The following CLIC5 variants were observed in gnomAD, a reference collection of about 807,000 sequenced individuals.
CLIC5 encodes CLIC family member 5.
CLIC5 carries 20 observed loss-of-function variants against 24.7 expected under a neutral mutation model. The ratio of observed to expected loss-of-function variants is 0.81; its 90% CI spans 0.57 to 1.18. The LOEUF (loss-of-function observed/expected upper bound fraction) is 1.18. Ranked by LOEUF, CLIC5 falls within the 50% of genes most tolerant of loss-of-function variation. The probability of loss-of-function intolerance (pLI) is 0.00; values close to 1 mark genes in which losing one functional copy is unlikely to be tolerated. For missense variants in CLIC5, 341 were observed against 326.1 expected, an observed-to-expected ratio of 1.05 and a Z score of -0.35; for synonymous variants, 159 against 135.6, an observed-to-expected ratio of 1.17 and a Z score of -1.20.
At chr6:45,976,847 G>A (rs554491687) in intron 1 of CLIC5, among the ~76,000 whole-genome samples, 12 of 152,244 alleles carry the variant, frequency 7.9e-5, no homozygotes, top group Non-Finnish European at 1.0e-4. Context: ...GCAGCTTGTC[G>A]GAAAATAACA....
chr6:45,946,290 G>A (rs1483213663), intron 3 of CLIC5, among the ~76,000 whole-genome samples: 1 of 152,162 alleles, frequency 6.6e-6, no homozygotes, highest in Non-Finnish European at 1.5e-5. Flanking sequence ...CTTCCTTGTC[G>A]AGTGTTCACT....
chr6:46,111,440 A>G, the CLIC5 span, among the ~76,000 whole-genome samples: 1 of 152,302 alleles, frequency 6.6e-6, no homozygotes, highest in East Asian at 1.9e-4. Context: ...CCTTAGAAAT[A>G]CCTCTTACTA....
chr6:46,083,309 T>C (rs1302724814), upstream of CLIC5, among the ~76,000 whole-genome samples: 1 of 152,240 alleles, frequency 6.6e-6, no homozygotes, highest in South Asian at 2.1e-4. Context: ...TTTCTTGCCT[T>C]CTGCTAACTT....
chr6:46,005,585 T>C (rs1766521796), intron 1 of CLIC5, among the ~76,000 whole-genome samples: 1 of 152,158 alleles, frequency 6.6e-6, no homozygotes, highest in Admixed American at 6.5e-5. Flanking sequence ...CAGCTTGCCA[T>C]CAGAGATGCT....
intron 1 of CLIC5, among the ~76,000 whole-genome samples, chr6:46,066,007 AT>A (rs1392910701): frequency 6.6e-6 from 1 of 152,232 alleles, no homozygotes; most frequent in Admixed American, 6.5e-5. Context: ...AAAGGAGAGA[AT>A]TCCAAATATA....
At chr6:45,927,847 C>G (rs927675405) in intron 4 of CLIC5, among the ~76,000 whole-genome samples, 3 of 152,096 alleles carry the variant, frequency 2.0e-5, no homozygotes, top group African/African-American at 4.8e-5. Context: ...GCTTGTTTTT[C>G]TCTTGTTAAT....
chr6:45,887,128 G>A (rs993879419), intron 6 of CLIC5, among the ~76,000 whole-genome samples: 2 of 152,338 alleles, frequency 1.3e-5, no homozygotes, highest in Non-Finnish European at 2.9e-5. Context: ...AGGGGCACAT[G>A]CTAGACATTT....
intron 1 of CLIC5, among the ~76,000 whole-genome samples, chr6:45,972,649 G>T (rs1280711766): frequency 1.3e-5 from 2 of 152,160 alleles, no homozygotes; most frequent in African/African-American, 4.8e-5. Flanking sequence ...TCTCAGGCCA[G>T]CCCCATACTT....
At chr6:45,957,333 A>T (rs548912147) in intron 1 of CLIC5, among the ~76,000 whole-genome samples, 1 of 152,206 alleles carries the variant, frequency 6.6e-6, no homozygotes, top group Non-Finnish European at 1.5e-5. Flanking sequence ...TCTCCTGAGA[A>T]GCCTGTGAAG....
Position 45,949,290 on chromosome 6 carries a change from C to T in CLIC5, c.265G>A (p.Glu89Lys), listed in dbSNP as rs1561956914. 6.2e-7 allele frequency: 1 copy of T among 1,613,864 alleles called. No homozygotes were observed. Among genetic ancestry groups the T allele is most frequent in the Non-Finnish European group, 8.5e-7 (1 of 1,179,850 alleles). The part of the protein sequence containing the change: ...GDVKTDVNKI[E>K]EFLEETLTPE... ...GTCAAGGTCTCCTCCAGGAACTCCT[C>T]GATCTTATTGACGTCTGTCTTCACG... Residue 89 changes from glutamate to lysine, a missense_variant, in exon 3 of 6, where the codon GAG becomes AAG. Transcript: ENST00000339561.
the CLIC5 span, among the ~76,000 whole-genome samples, chr6:46,098,829 T>C: frequency 1.3e-5 from 2 of 152,146 alleles, no homozygotes; most frequent in Non-Finnish European, 2.9e-5. Flanking sequence ...AGGTTGTGCC[T>C]GGCCCAGAGG....
the CLIC5 span, chr6:46,129,795 T>A: frequency 6.6e-6 from 1 of 152,204 alleles, no homozygotes; most frequent in Non-Finnish European, 1.5e-5. Context: ...GAAAAGTGCG[T>A]GGTGGGAGAG....
intron 1 of CLIC5, among the ~76,000 whole-genome samples, chr6:45,967,789 A>AAGAG (rs139746823): frequency 1.3e-5 from 2 of 149,790 alleles, no homozygotes; most frequent in Non-Finnish European, 3.0e-5. Flanking sequence ...AAGCAGGGGC[A>AAGAG]AGAGAGAGAG....
Position 45,888,611 on chromosome 6 carries a change from T to C in CLIC5, c.624-7423A>G, listed in dbSNP as rs551679926. The stretch of plus-strand genomic sequence containing the variant: ...TCCCTCGTGAATTTATCTAAGTCTA[T>C]CATAAACATATTTTGATACATATTA... On this transcript the variant is annotated intron_variant, in intron 6 of 6. Coordinates refer to the CLIC5 transcript ENST00000644324. Among the ~76,000 whole-genome samples, 14 of 152,332 alleles carry C rather than the reference T, an allele frequency of 9.2e-5. No individual in the cohort carries two copies. The South Asian group carries it at 2.9e-3, about 32-fold the overall frequency.
At chr6:45,942,960 T>C (rs1386211330) in intron 3 of CLIC5, among the ~76,000 whole-genome samples, 2 of 152,232 alleles carry the variant, frequency 1.3e-5, no homozygotes, top group African/African-American at 4.8e-5. Flanking sequence ...TTCCTGGCCC[T>C]ACAGCAGTGT....
chr6:46,002,852 A>G (rs1766410768), intron 1 of CLIC5, among the ~76,000 whole-genome samples: 1 of 152,194 alleles, frequency 6.6e-6, no homozygotes, highest in South Asian at 2.1e-4. Context: ...ACCTTGGACT[A>G]TTCATTGCCA....
At chr6:46,042,796 G>A (rs1767843900) in intron 1 of CLIC5, among the ~76,000 whole-genome samples, 1 of 152,158 alleles carries the variant, frequency 6.6e-6, no homozygotes, top group Non-Finnish European at 1.5e-5. Context: ...ACCTCAGAGA[G>A]ATGGGGCACT....
At chr6:45,931,602 T>C (rs1763738171) in intron 4 of CLIC5, among the ~76,000 whole-genome samples, 1 of 152,198 alleles carries the variant, frequency 6.6e-6, no homozygotes. Flanking sequence ...ATATGAGAGG[T>C]TAAGTGAAAA....
chr6:45,910,418 T>C (rs1762784415), intron 5 of CLIC5, among the ~76,000 whole-genome samples: 1 of 152,204 alleles, frequency 6.6e-6, no homozygotes, highest in South Asian at 2.1e-4. Context: ...ATCTTATCTG[T>C]ACATCAGACA....
Sources: allele counts gnomAD v4.1 joint callset (sites outside exome capture counted in the v4.1 genomes callset), GRCh38; gene constraint gnomAD v4.1.1; transcripts MANE v1.5; gene names NCBI Gene and HGNC (gene_info 2026-07-23, HGNC 2026-07-21).